Variants in COL5A1 observed in about 807,000 individuals in gnomAD.
COL5A1 encodes collagen type V alpha 1 chain, also known as collagen alpha-1(V) chain.
A neutral mutation model predicts 263.7 loss-of-function variants in COL5A1; 16 were observed. That is an observed-to-expected ratio of 0.06 (90% CI 0.04 to 0.09). The LOEUF (loss-of-function observed/expected upper bound fraction) is 0.09. COL5A1 is among the 10% of genes least tolerant of loss of function. The probability of loss-of-function intolerance (pLI) is 1.00; values close to 1 mark genes in which losing one functional copy is unlikely to be tolerated. For missense variants in COL5A1, 2,036 were observed against 2,540.5 expected (o/e 0.80, Z 4.27); for synonymous variants, 1,012 against 1,004.5 (o/e 1.01, Z -0.14).
At chr9:134,813,310 C>T (rs1181119937) in intron 48 of COL5A1, among the ~76,000 whole-genome samples, 1 of 152,128 alleles carries the variant, frequency 6.6e-6, no homozygotes, top group Non-Finnish European at 1.5e-5. Context: ...TCTCCCAGTT[C>T]CCCTGGACAA....
intron 63 of COL5A1, among the ~76,000 whole-genome samples, chr9:134,826,854 G>A (rs921922988): frequency 3.4e-5 from 5 of 146,502 alleles, no homozygotes; most frequent in African/African-American, 1.1e-4. Flanking sequence ...TGGTGTGTGG[G>A]TGTGTGTGGC....
intron 4 of COL5A1, among the ~76,000 whole-genome samples, chr9:134,712,866 G>A (rs974393587): frequency 1.3e-5 from 2 of 151,870 alleles, no homozygotes; most frequent in African/African-American, 2.4e-5. Context: ...TCCCCTGGAC[G>A]CCTTTTTCCA....
chr9:134,724,303 A>G (rs548819243), intron 4 of COL5A1, among the ~76,000 whole-genome samples: 5 of 152,226 alleles, frequency 3.3e-5, no homozygotes, highest in Non-Finnish European at 7.3e-5. Flanking sequence ...TGTGAGGTCA[A>G]TGCTGCCGTT....
intron 63 of COL5A1, among the ~76,000 whole-genome samples, chr9:134,828,984 C>T (rs1185304117): frequency 6.6e-6 from 1 of 151,308 alleles, no homozygotes; most frequent in African/African-American, 2.5e-5. Flanking sequence ...ACATACCCCC[C>T]ACACCATGCA....
rs752776065 is a variant in COL5A1, at chr9:134,754,361, C to T, written c.1827+35C>T. The T allele has an allele frequency of 9.3e-6, 15 of 1,613,374 alleles. No homozygotes were observed. Among genetic ancestry groups the T allele is most frequent in the Non-Finnish European group, 1.3e-5 (15 of 1,179,622 alleles). ...GCGAGTGTGTGTGGTTTAGTGACAGCAGCTTGGGCGCTGGAGGAGCCCAAA... is the reference window on the plus strand; with the variant it reads ...GCGAGTGTGTGTGGTTTAGTGACAGTAGCTTGGGCGCTGGAGGAGCCCAAA... On this transcript the variant is annotated intron_variant, in intron 16 of 65. Coordinates refer to ENST00000371817, the MANE Select transcript of COL5A1 (RefSeq NM_000093.5). This position sits in a 1 kb window ranked among gnomAD's most constrained non-coding sequence, Gnocchi z 4.3.
In COL5A1 at chr9:134,783,251, C is replaced by T. The variant is rs988557115; in HGVS notation, c.2484+531C>T. On this transcript the variant is annotated intron_variant, in intron 29 of 65. Transcript: ENST00000371817. ...CTTCAGGGTCCCTGGGACTCCCACA[C>T]AGTCCTGTGGTCTGTGATTTTGGCT... Among the ~76,000 whole-genome samples the T allele has an allele frequency of 5.9e-5, 9 of 152,336 alleles. No homozygotes were observed. In the East Asian group the frequency reaches 1.2e-3, roughly 20 times the overall value.
At chr9:134,796,812 C>T (rs756342555) in intron 35 of COL5A1, 36 bp from the exon 36 acceptor site, 2 of 1,603,674 alleles carry the variant, frequency 1.2e-6, no homozygotes. Flanking sequence ...TCGGGAGAGA[C>T]CTCTTGTCCT....
At chr9:134,661,824 G>A (rs1273318506) in intron 1 of COL5A1, among the ~76,000 whole-genome samples, 1 of 152,174 alleles carries the variant, frequency 6.6e-6, no homozygotes, top group Non-Finnish European at 1.5e-5. Flanking sequence ...TCCTTAAGCA[G>A]TGCCAACCTC....
chr9:134,834,240 G>A (rs1008807076), intron 64 of COL5A1, among the ~76,000 whole-genome samples: 3 of 152,148 alleles, frequency 2.0e-5, no homozygotes, highest in African/African-American at 4.8e-5. Context: ...CAGGTGCCCC[G>A]ACCCAGCGAT....
At chr9:134,669,584 A>G (rs1392527851) in intron 1 of COL5A1, among the ~76,000 whole-genome samples, 1 of 152,106 alleles carries the variant, frequency 6.6e-6, no homozygotes, top group Non-Finnish European at 1.5e-5. Flanking sequence ...ACCAGATACA[A>G]CTAGATTCTC....
intron 18 of COL5A1, among the ~76,000 whole-genome samples, chr9:134,760,920 C>A (rs978633525): frequency 1.4e-5 from 2 of 146,414 alleles, no homozygotes; most frequent in South Asian, 4.5e-4. Flanking sequence ...CACACACACA[C>A]GTACACACAT....
chr9:134,780,240 CAGCTG>C, intron 28 of COL5A1, 94 bp downstream of exon 28: 2 of 1,228,606 alleles, frequency 1.6e-6, no homozygotes, highest in Non-Finnish European at 2.4e-6. Context: ...TCCATGAAAC[CAGCTG>C]AGGTGGATGT....
chr9:134,736,460 C>A (rs140836384), intron 9 of COL5A1, among the ~76,000 whole-genome samples: 26 of 152,358 alleles, frequency 1.7e-4, no homozygotes, highest in Non-Finnish European at 2.9e-4. Context: ...ATCGTAGCTG[C>A]ATTCACCCAT....
intron 9 of COL5A1, among the ~76,000 whole-genome samples, chr9:134,735,137 C>T (rs556459903): frequency 9.9e-5 from 15 of 151,776 alleles, no homozygotes; most frequent in Admixed American, 5.9e-4. Context: ...CAGTTGAACC[C>T]AGGAGGCGGA....
At chr9:134,722,954 G>A (rs1416046468) in intron 4 of COL5A1, among the ~76,000 whole-genome samples, 2 of 152,188 alleles carry the variant, frequency 1.3e-5, no homozygotes, top group Non-Finnish European at 2.9e-5. Context: ...GCGCTAATCA[G>A]GGCCCCACTC....
intron 63 of COL5A1, 96 bp from the exon 64 acceptor site, chr9:134,829,880 G>C (rs112225289): frequency 2.2e-6 from 3 of 1,382,166 alleles, no homozygotes; most frequent in Admixed American, 3.9e-5. Context: ...ATGCAGGCGC[G>C]GGGGCCGGGA....
chr9:134,811,696 A>G lies in COL5A1; in HGVS notation c.3690+97A>G, dbSNP rs1588577839. 5.3e-6 allele frequency: 6 copies of G among 1,129,990 alleles called. No individual in the cohort carries two copies. The East Asian group carries it at 1.3e-4, about 25-fold the overall frequency. 70.0% of individuals were successfully genotyped at this position (1,129,990 alleles called of 1,614,324 possible). A position where few individuals can be genotyped will look rare whatever the true frequency, so the allele number is the denominator to read the frequency against. ...CCTCTTGTCTTTTTAAGAATGGAAA[A>G]CTAAAGCCAGGCTGCAGGGGGCCTC... On this transcript the variant is annotated intron_variant, in intron 46 of 65. Transcript: ENST00000371817.
chr9:134,759,798 C>A (rs1447961040), intron 18 of COL5A1, among the ~76,000 whole-genome samples: 5 of 118,328 alleles, frequency 4.2e-5, no homozygotes, highest in African/African-American at 1.6e-4. Context: ...TGCACACACA[C>A]CACACATGCA....
intron 31 of COL5A1, 90 bp downstream of exon 31, chr9:134,786,138 C>T: frequency 8.3e-7 from 1 of 1,207,094 alleles, no homozygotes; most frequent in Non-Finnish European, 1.2e-6. Flanking sequence ...GTTAGGTGTC[C>T]CGGCACAGGT....
Sources: gnomAD v4.1 joint callset for allele counts (sites outside exome capture counted in the v4.1 genomes callset) on GRCh38, gnomAD v4.1.1 for gene constraint, Gnocchi (gnomAD v3.1) non-coding constraint, MANE v1.5 for transcripts, NCBI Gene and HGNC (gene_info 2026-07-23, HGNC 2026-07-21) for gene names.